Variants in PODNL1 observed in about 807,000 individuals in gnomAD.
The protein encoded by PODNL1 is podocan like 1.
PODNL1 carries 50 observed loss-of-function variants against 45.1 expected under a neutral mutation model. The observed-to-expected ratio is 1.11, with a 90% CI of 0.88 to 1.40. The LOEUF is 1.40. Ranked by LOEUF, PODNL1 falls within the 40% of genes most tolerant of loss-of-function variation. PODNL1 has a pLI of 0.00. For synonymous variants in PODNL1, 406 were observed against 372.5 expected, an observed-to-expected ratio of 1.09 and a Z score of -1.04; for missense variants, 788 against 793.3, an observed-to-expected ratio of 0.99 and a Z score of 0.08.
At chr19:13,936,529 C>G (rs1241109103) in intron 2 of PODNL1, 69 bp from the exon 3 acceptor site, 6 of 1,339,016 alleles carry the variant, frequency 4.5e-6, no homozygotes, top group Non-Finnish European at 6.4e-6. Context: ...CACTGATTCT[C>G]AACTTCCCAT....
In PODNL1 at chr19:13,936,058, G is replaced by T; in HGVS notation, c.320-14C>A. ...CGTCAGGCAGGCCTGGGAGAGTAGGGGGGCAGTGAAGGGACCCCAGGCCTG... is the reference window on the plus strand; with the variant it reads ...CGTCAGGCAGGCCTGGGAGAGTAGGTGGGCAGTGAAGGGACCCCAGGCCTG... On this transcript the variant is annotated splice_polypyrimidine_tract_variant and intron_variant, in intron 3 of 9. Transcript: ENST00000588872. The T allele has an allele frequency of 6.5e-7, 1 of 1,548,634 alleles. No individual in the cohort carries two copies. The highest frequency in any genetic ancestry group is 1.2e-5 in the South Asian group (1 of 84,012).
In PODNL1 at chr19:13,935,794, G is replaced by T; in HGVS notation, c.421C>A (p.Arg141Ser). ...TGGTTGGCAGCCAGATCCGCGACAC[G>T]GAGGGACCGGGGCAGAAACTGAGGG... is the stretch of plus-strand genomic sequence containing the variant. ...VAPQFLPRSLRVADLAANQVM... is the reference protein window; with the variant it reads ...VAPQFLPRSLSVADLAANQVM... Residue 141 changes from arginine (R) to serine (S), a missense_variant, in exon 5 of 10, where the codon CGT becomes AGT. This residue lies in a region of PODNL1 where 762 missense variants were observed against 750.9 expected (regional missense o/e 1.01). Coordinates refer to ENST00000588872, the MANE Select transcript of PODNL1 (RefSeq NM_001370095.3). 6.3e-7 allele frequency: 1 copy of T among 1,599,822 alleles called. No homozygotes were observed. The highest frequency in any genetic ancestry group is 8.5e-7 in the Non-Finnish European group (1 of 1,175,866).
rs1305663294 is a variant in PODNL1 at position 13,933,266 on chromosome 19, T to C, written c.957A>G (p.Ser319=). ...GCCGCAGAGCCCCGGCGGGCAGCCC[T>C]GAGCTCCCCAGCTGGTTGTGCTGCA... ...LLLQHNQLGS[S]GLPAGALRPL... is the part of the protein sequence containing the mutation. Residue 319 remains serine (S), a synonymous_variant, in exon 8 of 10, where the codon TCA becomes TCG. Transcript: ENST00000588872. The surrounding 1 kb of genome is among the most constrained non-coding windows in gnomAD (Gnocchi z 5.2). 6.4e-7 allele frequency: 1 copy of C among 1,561,022 alleles called. No individual in the cohort carries two copies. The highest frequency in any genetic ancestry group is 1.3e-5 in the African/African-American group (1 of 74,178).
chr19:13,941,791 C>T (rs945611196), upstream of PODNL1, among the ~76,000 whole-genome samples: 10 of 151,942 alleles, frequency 6.6e-5, no homozygotes, highest in Admixed American at 3.9e-4. Flanking sequence ...CCAGCCTGGG[C>T]GACAGTGCAA....
At chr19:13,952,532 C>A in intron 1 of PODNL1, 1 of 1,249,882 alleles carries the variant, frequency 8.0e-7, no homozygotes, top group Non-Finnish European at 1.0e-6. Flanking sequence ...AGCTCGAAAT[C>A]GGAGCGGAAC....
Position 13,937,965 on chromosome 19 carries a change from CG to C in PODNL1, c.44del (p.Pro15ArgfsTer136). ...CAGCGTCTTCCAAGCCGGCGACGGG[CG>C]GGGGCCCCGGCAACAGCAGGAGCAG... ...LLLLLLLPGP[P>X]PVAGLEDAAF... On this transcript the variant is annotated frameshift_variant, in exon 2 of 10. Coordinates refer to ENST00000588872, the MANE Select transcript of PODNL1 (RefSeq NM_001370095.3). LOFTEE classifies it high-confidence loss of function. 1 of 1,540,478 alleles carries C rather than the reference CG, an allele frequency of 6.5e-7. No homozygotes were observed. Among genetic ancestry groups the C allele is most frequent in the Non-Finnish European group, 8.8e-7 (1 of 1,139,548 alleles).
At chr19:13,942,180 C>G (rs187051300), upstream of PODNL1, among the ~76,000 whole-genome samples, 120 of 152,280 alleles carry the variant, frequency 7.9e-4, 1 homozygote, top group African/African-American at 2.8e-3. Flanking sequence ...CTAGCTAATA[C>G]AAACAAGGGC....
At chr19:13,947,221 C>T (rs569908621) in intron 1 of PODNL1, among the ~76,000 whole-genome samples, 14 of 140,614 alleles carry the variant, frequency 1.0e-4, no homozygotes, top group African/African-American at 3.8e-4. Context: ...TGGCTCATGC[C>T]TGTAATCCCA....
chr19:13,942,460 C>G (rs1295509694), upstream of PODNL1, among the ~76,000 whole-genome samples: 1 of 152,178 alleles, frequency 6.6e-6, no homozygotes, highest in African/African-American at 2.4e-5. Flanking sequence ...TGCTGATTGG[C>G]TAGGAACCTA....
chr19:13,952,397 CG>C (rs1973085942), intron 1 of PODNL1: 20 of 1,205,922 alleles, frequency 1.7e-5, no homozygotes, highest in Admixed American at 4.2e-5. Flanking sequence ...AGGCATAGCG[CG>C]AGTGCGGGCT....
chr19:13,941,026 A>G (rs1333997703), upstream of PODNL1, among the ~76,000 whole-genome samples: 1 of 152,110 alleles, frequency 6.6e-6, no homozygotes, highest in Non-Finnish European at 1.5e-5. Context: ...AGCCTGGATG[A>G]CAGAGTGAGA....
At chr19:13,934,123 AAAG>A (rs1164892186) in intron 6 of PODNL1, 128 bp downstream of exon 6, 10 of 1,369,846 alleles carry the variant, frequency 7.3e-6, no homozygotes, top group Non-Finnish European at 1.0e-5. Flanking sequence ...AAAGTGATTC[AAAG>A]AAGGATAACT....
intron 1 of PODNL1, chr19:13,953,031 G>T: frequency 7.0e-7 from 1 of 1,430,760 alleles, no homozygotes; most frequent in Non-Finnish European, 9.6e-7. Flanking sequence ...CCTTTGCAGA[G>T]CCCCTGCCGC....
upstream of PODNL1, among the ~76,000 whole-genome samples, chr19:13,942,187 G>A (rs1209114494): frequency 1.3e-5 from 2 of 152,152 alleles, no homozygotes; most frequent in African/African-American, 4.8e-5. Context: ...ATACAAACAA[G>A]GGCATTTACT....
chr19:13,936,294 G>A, intron 3 of PODNL1, 73 bp downstream of exon 3: 1 of 1,389,274 alleles, frequency 7.2e-7, no homozygotes. Context: ...GATGGGGCGG[G>A]GGAGGGGGAT....
chr19:13,946,089 G>A (rs1233777659), intron 1 of PODNL1, among the ~76,000 whole-genome samples: 1 of 152,060 alleles, frequency 6.6e-6, no homozygotes, highest in Non-Finnish European at 1.5e-5. Context: ...CTTCAAGGGA[G>A]GATGAGAAAC....
exon 1 of PODNL1, chr19:13,953,297 G>T: frequency 1.5e-6 from 1 of 650,598 alleles, no homozygotes; most frequent in Middle Eastern, 2.6e-4. Flanking sequence ...CAGAAATGTG[G>T]ATCTCTTGCA....
At chr19:13,935,869 C>T (rs535858344) in intron 4 of PODNL1, 39 bp from the exon 5 acceptor site, 145 of 1,560,888 alleles carry the variant, frequency 9.3e-5, no homozygotes, top group Non-Finnish European at 1.1e-4. Flanking sequence ...GGTCCTGGTG[C>T]GCCTTGGCCC....
In PODNL1 at chr19:13,931,580, T is replaced by A; in HGVS notation, c.*157A>T. On this transcript the variant is annotated 3_prime_UTR_variant, in exon 10 of 10. Transcript: ENST00000588872. ...GTCTGTGAGCCTGGAGTATGCCAGC[T>A]GTGTGCCTCTGTGTCTCGGCCAGTG... is the stretch of plus-strand genomic sequence containing the variant. The A allele has an allele frequency of 1.3e-6, 1 of 773,020 alleles. No individual in the cohort carries two copies. The highest frequency in any genetic ancestry group is 1.8e-6 in the Non-Finnish European group (1 of 569,656). The allele number at this position is 773,020 out of a possible 1,614,324, so 47.9% of individuals were successfully genotyped here.
Sources: gnomAD v4.1 joint callset for allele counts (sites outside exome capture counted in the v4.1 genomes callset) on GRCh38, gnomAD v4.1.1 for gene constraint, gnomAD v4.1.1 regional missense constraint, Gnocchi (gnomAD v3.1) non-coding constraint, MANE v1.5 for transcripts, NCBI Gene and HGNC (gene_info 2026-07-23, HGNC 2026-07-21) for gene names.